Variants in MRPL39 observed in about 807,000 individuals in gnomAD.
MRPL39 encodes the protein large ribosomal subunit protein mL39.
Under a neutral mutation model 44.5 loss-of-function variants are expected in MRPL39, and 35 were observed. That is an observed-to-expected ratio of 0.79 (90% CI 0.60 to 1.04). MRPL39 has a LOEUF of 1.04. Ranked by LOEUF, MRPL39 falls within the 50% of genes least tolerant of loss-of-function variation. The pLI is 0.00. For synonymous variants in MRPL39, 139 were observed against 136.1 expected, an observed-to-expected ratio of 1.02 and a Z score of -0.15; for missense variants, 433 against 413.5, an observed-to-expected ratio of 1.05 and a Z score of -0.41.
At chr21:25,590,017 G>C (rs149779085) in intron 8 of MRPL39, among the ~76,000 whole-genome samples, 37 of 152,318 alleles carry the variant, frequency 2.4e-4, no homozygotes, top group Non-Finnish European at 3.5e-4. Flanking sequence ...GGCAGAGGAA[G>C]TACATAACAG....
intron 3 of MRPL39, 73 bp downstream of exon 3, chr21:25,603,723 C>T: frequency 7.0e-7 from 1 of 1,429,040 alleles, no homozygotes; most frequent in Non-Finnish European, 9.5e-7. Flanking sequence ...ACATTACACC[C>T]CATAGAAAAC....
rs770620551 is a variant in MRPL39, at chr21:25,603,923, C to T, written c.293G>A (p.Trp98Ter). The change falls in exon 3 of 10, where the codon TGG becomes TAG. Residue 98 changes from tryptophan to a stop codon, truncating the protein, a stop_gained. Transcript: ENST00000352957. LOFTEE classifies it high-confidence loss of function. The part of the protein sequence containing the change: ...PYSCAMHLSE[W>*]YCRKSILALV... ...AGCCAGAATGGACTTCCTGCAATACCACTCGCTTAAATCTAGAAATTTAAA... is the reference window on the plus strand; with the variant it reads ...AGCCAGAATGGACTTCCTGCAATACTACTCGCTTAAATCTAGAAATTTAAA... 2 of 1,607,426 alleles carry T rather than the reference C, an allele frequency of 1.2e-6. No homozygotes were observed. The highest frequency in any genetic ancestry group is 2.2e-5 in the South Asian group (2 of 89,382).
chr21:25,606,843 A>G (rs1055616624), intron 1 of MRPL39, among the ~76,000 whole-genome samples, 188 bp from the exon 2 acceptor site: 13 of 152,166 alleles, frequency 8.5e-5, no homozygotes, highest in Non-Finnish European at 1.6e-4. Flanking sequence ...ATTTCCCACC[A>G]ATTTCCTGTG....
Position 25,593,012 on chromosome 21 carries a change from T to A in MRPL39, c.768-47A>T. The A allele has an allele frequency of 2.0e-6, 3 of 1,470,776 alleles. No homozygotes were observed. The South Asian group carries it at 4.1e-5, about 20-fold the overall frequency. 91.1% of individuals were successfully genotyped at this position (1,470,776 alleles called of 1,614,324 possible). On this transcript the variant is annotated intron_variant, in intron 7 of 9. Coordinates refer to ENST00000352957, the MANE Select transcript of MRPL39 (RefSeq NM_017446.4). ...AAACAAAACTGCAACATCAAATAAT[T>A]TGTAAGAGCTTGAAAAAGAAATCTC...
chr21:25,601,046 T>C (rs1265068451), intron 4 of MRPL39, among the ~76,000 whole-genome samples: 1 of 152,046 alleles, frequency 6.6e-6, no homozygotes, highest in Non-Finnish European at 1.5e-5. Context: ...AGGCGGAGCT[T>C]GCAGTGAGCC....
chr21:25,587,399 T>G (rs987571365), intron 9 of MRPL39, among the ~76,000 whole-genome samples: 2 of 152,178 alleles, frequency 1.3e-5, no homozygotes, highest in Non-Finnish European at 2.9e-5. Flanking sequence ...GAAAAAAAAT[T>G]ATATAACCCT....
chr21:25,587,305 T>C (rs1005598623), intron 9 of MRPL39, among the ~76,000 whole-genome samples: 3 of 152,200 alleles, frequency 2.0e-5, no homozygotes, highest in Non-Finnish European at 4.4e-5. Context: ...ATTTTTTCTT[T>C]AGTTTCTTCA....
chr21:25,602,764 A>G (rs889683890), intron 3 of MRPL39, among the ~76,000 whole-genome samples: 1 of 152,254 alleles, frequency 6.6e-6, no homozygotes, highest in Non-Finnish European at 1.5e-5. Context: ...TAAAAGATAA[A>G]TAGGATTTTA....
At chr21:25,594,660 T>C (rs956201045) in intron 6 of MRPL39, among the ~76,000 whole-genome samples, 5 of 152,128 alleles carry the variant, frequency 3.3e-5, no homozygotes, top group African/African-American at 1.2e-4. Flanking sequence ...CACCCTCTTT[T>C]CACGCTAAGC....
intron 5 of MRPL39, among the ~76,000 whole-genome samples, chr21:25,599,264 T>C (rs1446908577): frequency 1.2e-4 from 3 of 24,224 alleles, no homozygotes; most frequent in African/African-American, 7.0e-5. Flanking sequence ...TTGTTGATGC[T>C]TGAGTATTAG....
intron 2 of MRPL39, 79 bp downstream of exon 2, chr21:25,606,370 A>G (rs570717486): frequency 7.9e-7 from 1 of 1,273,184 alleles, no homozygotes; most frequent in Non-Finnish European, 1.1e-6. Context: ...AAGTAATTAC[A>G]GCATCCTGTC....
chr21:25,593,936 C>A lies in MRPL39; in HGVS notation c.724G>T (p.Glu242Ter). The change falls in exon 7 of 10, where the codon GAG becomes TAG. Residue 242 changes from glutamate (E) to a stop codon, truncating the protein, a stop_gained. Coordinates refer to ENST00000352957, the MANE Select transcript of MRPL39 (RefSeq NM_017446.4). LOFTEE classifies it high-confidence loss of function. ...HSKYKVDFIE[E>*]KASQNPERIV... ...CTCTCAGGGTTCTGAGATGCCTTCTCTTCTATGAAATCTACTTTGTACCTG... is the reference window on the plus strand; with the variant it reads ...CTCTCAGGGTTCTGAGATGCCTTCTATTCTATGAAATCTACTTTGTACCTG... 3 of 1,613,682 alleles carry A rather than the reference C, an allele frequency of 1.9e-6. No individual in the cohort carries two copies. In the East Asian group the frequency reaches 6.7e-5, roughly 36 times the overall value.
intron 8 of MRPL39, among the ~76,000 whole-genome samples, chr21:25,591,853 A>G (rs970564311): frequency 1.3e-5 from 2 of 152,174 alleles, no homozygotes; most frequent in Non-Finnish European, 2.9e-5. Context: ...ATTCACAAAA[A>G]CCTGCACACA....
chr21:25,598,453 AG>A (rs2031426701), intron 5 of MRPL39, among the ~76,000 whole-genome samples: 1 of 15,960 alleles, frequency 6.3e-5, no homozygotes, highest in African/African-American at 1.1e-4. Context: ...AAAAAAAAAA[AG>A]AGAGAGAAAG....
In MRPL39 at chr21:25,600,155, G is replaced by A. The variant is rs561787120; in HGVS notation, c.521-289C>T. 3.9e-5 allele frequency among the ~76,000 whole-genome samples: 6 copies of A among 152,044 alleles called. 1 individual carries two copies. The South Asian group carries it at 1.2e-3, about 32-fold the overall frequency. On this transcript the variant is annotated intron_variant, in intron 4 of 9. Transcript: ENST00000352957. ...ACAGTTACCAGATGTAAAAATTCTG[G>A]GAAGCCAAGGCAGGTGGATCACCTG... is the stretch of plus-strand genomic sequence containing the variant.
Position 25,606,583 on chromosome 21 carries a change from T to C in MRPL39, c.146A>G (p.Asn49Ser), listed in dbSNP as rs1195692749. ...TGATAACTGCCTGGCTTTCTCTTTA[T>C]TAAAGAGATCATTCCGCATTTCTGT... ...ELTEMRNDLF[N>S]KEKARQLSLT... Residue 49 changes from asparagine (N) to serine (S), a missense_variant, in exon 2 of 10, where the codon AAT (asparagine) becomes AGT (serine). Transcript: ENST00000352957. 2 of 1,613,592 alleles carry C rather than the reference T, an allele frequency of 1.2e-6. No individual in the cohort carries two copies. Among genetic ancestry groups the C allele is most frequent in the African/African-American group, 1.3e-5 (1 of 75,046 alleles).
At chr21:25,607,715 C>A (rs935741875), upstream of MRPL39, among the ~76,000 whole-genome samples, 1 of 152,180 alleles carries the variant, frequency 6.6e-6, no homozygotes, top group Non-Finnish European at 1.5e-5. Context: ...AGGTGCAGGG[C>A]CCCCAGGGCG....
intron 3 of MRPL39, among the ~76,000 whole-genome samples, chr21:25,601,750 A>C (rs143529382): frequency 2.6e-5 from 4 of 152,386 alleles, no homozygotes; most frequent in African/African-American, 4.8e-5. Context: ...TTATTACCTG[A>C]AAGTATTTAT....
chr21:25,597,335 G>C lies in MRPL39; in HGVS notation c.668C>G (p.Ala223Gly). Reference protein sequence around the residue: ...DLPFETLEVEAKVALEIFQHS... With the variant: ...DLPFETLEVEGKVALEIFQHS... ...TTGAAATATTTCCAATGCCACTTTT[G>C]CTTCAACTTCCAGAGTTTCAAATGG... The change falls in exon 6 of 10, where the codon GCA (alanine) becomes GGA (glycine). Residue 223 changes from alanine to glycine, a missense_variant. By Grantham distance (60) the Ala-to-Gly change is moderately conservative. Transcript: ENST00000352957. 1 of 1,601,138 alleles carries C rather than the reference G, an allele frequency of 6.2e-7. No homozygotes were observed. Among genetic ancestry groups the C allele is most frequent in the Non-Finnish European group, 8.5e-7 (1 of 1,171,970 alleles).
Sources: gnomAD v4.1 joint callset for allele counts (sites outside exome capture counted in the v4.1 genomes callset) on GRCh38, gnomAD v4.1.1 for gene constraint, MANE v1.5 for transcripts, NCBI Gene and HGNC (gene_info 2026-07-23, HGNC 2026-07-21) for gene names.